Variants in FRMD5 observed in about 807,000 individuals in gnomAD.
The protein encoded by FRMD5 is FERM domain containing 5, also known as FERM domain-containing protein 5.
FRMD5 carries 20 observed loss-of-function variants against 69.0 expected under a neutral mutation model. That is an observed-to-expected ratio of 0.29 (90% CI 0.20 to 0.42). The LOEUF (loss-of-function observed/expected upper bound fraction) is 0.42. Among genes scored for constraint, FRMD5 ranks in the 10% least tolerant of loss-of-function variants. FRMD5 has a pLI of 1.00. For missense variants in FRMD5, 595 were observed against 708.6 expected, an observed-to-expected ratio of 0.84 and a Z score of 1.82; for synonymous variants, 271 against 260.1, an observed-to-expected ratio of 1.04 and a Z score of -0.40.
chr15:43,897,414 G>GTTC (rs2088937391), intron 7 of FRMD5, among the ~76,000 whole-genome samples: 1 of 148,932 alleles, frequency 6.7e-6, no homozygotes, highest in Non-Finnish European at 1.5e-5. Flanking sequence ...TTGAACCCGG[G>GTTC]AGGCAGAGGT....
In FRMD5 at chr15:43,985,212, C is replaced by T. The variant is rs1489705680; in HGVS notation, c.103-60903G>A. Among the ~76,000 whole-genome samples the T allele has an allele frequency of 6.4e-5, 8 of 125,786 alleles. No individual in the cohort carries two copies. In the East Asian group the frequency reaches 1.6e-3, roughly 25 times the overall value. 82.5% of individuals were successfully genotyped at this position (125,786 alleles called of 152,430 possible). A position where few individuals can be genotyped will look rare whatever the true frequency, so the allele number is the denominator to read the frequency against. On this transcript the variant is annotated intron_variant, in intron 1 of 13. Coordinates refer to ENST00000417257, the MANE Select transcript of FRMD5 (RefSeq NM_032892.5). ...AGAAGAATGGCGTGAACCTGGGAGG[C>T]GGAGCTTGCAGTGAGCCGAGATCGG...
intron 2 of FRMD5, among the ~76,000 whole-genome samples, chr15:43,923,594 C>A (rs865895306): frequency 2.0e-5 from 3 of 152,140 alleles, no homozygotes; most frequent in Non-Finnish European, 4.4e-5. Context: ...TACTGTCTGG[C>A]GGGACCACAG....
At chr15:44,059,649 C>A (rs918286690) in intron 1 of FRMD5, among the ~76,000 whole-genome samples, 1 of 152,012 alleles carries the variant, frequency 6.6e-6, no homozygotes, top group Non-Finnish European at 1.5e-5. Context: ...GTAGCTGGGA[C>A]TACAGCCGCA....
intron 1 of FRMD5, among the ~76,000 whole-genome samples, chr15:44,067,732 T>C (rs1893371385): frequency 6.6e-6 from 1 of 152,146 alleles, no homozygotes. Flanking sequence ...ATTTCCAATA[T>C]ATAAATTTGA....
chr15:44,107,153 A>G (rs1388499979), intron 1 of FRMD5, among the ~76,000 whole-genome samples: 1 of 152,208 alleles, frequency 6.6e-6, no homozygotes, highest in Non-Finnish European at 1.5e-5. Flanking sequence ...TTTCATTCAC[A>G]AACGAAATAT....
chr15:44,126,573 C>T (rs1246649934), intron 1 of FRMD5, among the ~76,000 whole-genome samples: 1 of 152,174 alleles, frequency 6.6e-6, no homozygotes, highest in Non-Finnish European at 1.5e-5. Flanking sequence ...AGAAACATCA[C>T]ACCATCCTCT....
intron 1 of FRMD5, among the ~76,000 whole-genome samples, chr15:44,133,798 C>CA (rs2077141117): frequency 6.6e-6 from 1 of 151,868 alleles, no homozygotes; most frequent in Non-Finnish European, 1.5e-5. Flanking sequence ...TAATCACACA[C>CA]AAAAAATTAA....
At chr15:43,920,595 A>G (rs750388758) in intron 2 of FRMD5, among the ~76,000 whole-genome samples, 5 of 152,098 alleles carry the variant, frequency 3.3e-5, no homozygotes, top group Non-Finnish European at 7.4e-5. Flanking sequence ...TCCTTTATAA[A>G]TTTTATTATT....
In FRMD5 at chr15:43,871,341, C is replaced by A. The variant is rs1189360885; in HGVS notation, c.*2544G>T. ...TACTGTACTGTTAGAACTCTAGACACAAGGAACATACTAGGATATGGAATA... is the reference window on the plus strand; with the variant it reads ...TACTGTACTGTTAGAACTCTAGACAAAAGGAACATACTAGGATATGGAATA... On this transcript the variant is annotated 3_prime_UTR_variant, in exon 14 of 14. Coordinates refer to ENST00000417257, the MANE Select transcript of FRMD5 (RefSeq NM_032892.5). 6.6e-6 allele frequency: 1 copy of A among 152,164 alleles called. No homozygotes were observed. The highest frequency in any genetic ancestry group is 1.5e-5 in the Non-Finnish European group (1 of 68,038). The allele number at this position is 152,164 out of a possible 1,614,324, so 9.4% of individuals were successfully genotyped here.
At chr15:43,876,272 C>T (rs12442297) in intron 13 of FRMD5, 158,766 of 1,451,464 alleles carry the variant, frequency 0.11, 10,664 homozygotes, top group African/African-American at 0.29. Context: ...GAACTCTGAA[C>T]TCTGGGCCTG....
At chr15:44,078,888 C>A (rs1893882566) in intron 1 of FRMD5, among the ~76,000 whole-genome samples, 1 of 151,868 alleles carries the variant, frequency 6.6e-6, no homozygotes, top group Admixed American at 6.6e-5. Flanking sequence ...TTTCTTAGAC[C>A]ACCAAAGCAA....
intron 1 of FRMD5, among the ~76,000 whole-genome samples, chr15:44,154,348 C>A (rs2077493556): frequency 6.6e-6 from 1 of 151,534 alleles, no homozygotes; most frequent in South Asian, 2.1e-4. Context: ...AGAAAAAAAA[C>A]CTTGGGAAAA....
At chr15:44,190,016 A>G (rs975921251) in intron 1 of FRMD5, among the ~76,000 whole-genome samples, 49 of 152,282 alleles carry the variant, frequency 3.2e-4, no homozygotes, top group African/African-American at 1.2e-3. Context: ...AAAAGTCAAG[A>G]CCAGAAAACA....
intron 1 of FRMD5, among the ~76,000 whole-genome samples, chr15:43,992,646 G>A (rs1231031253): frequency 6.6e-6 from 1 of 152,102 alleles, no homozygotes; most frequent in Non-Finnish European, 1.5e-5. Context: ...CCAAAACGCT[G>A]GGATTACAGG....
chr15:43,981,245 C>T (rs879492361), intron 1 of FRMD5, among the ~76,000 whole-genome samples: 5 of 152,162 alleles, frequency 3.3e-5, no homozygotes, highest in Non-Finnish European at 5.9e-5. Context: ...CAGGCGTGAA[C>T]CACCTCACCT....
At chr15:44,080,744 A>G (rs1363099544) in intron 1 of FRMD5, among the ~76,000 whole-genome samples, 8 of 152,126 alleles carry the variant, frequency 5.3e-5, no homozygotes, top group African/African-American at 1.9e-4. Flanking sequence ...ATCATTTTTA[A>G]CAGAACAGGT....
At chr15:43,924,373 T>A in intron 1 of FRMD5, 64 bp from the exon 2 acceptor site, 14 of 1,193,566 alleles carry the variant, frequency 1.2e-5, no homozygotes, top group East Asian at 2.3e-5. Flanking sequence ...TTTTTTTTTT[T>A]TATAGCCATT....
At chr15:43,987,410 A>G (rs1439009603) in intron 1 of FRMD5, among the ~76,000 whole-genome samples, 1 of 152,184 alleles carries the variant, frequency 6.6e-6, no homozygotes, top group Non-Finnish European at 1.5e-5. Context: ...AGAAAGTTTT[A>G]ATGGTCTAGA....
intron 1 of FRMD5, among the ~76,000 whole-genome samples, chr15:44,012,761 GTTTTTT>G (rs35690752): frequency 1.4e-4 from 17 of 120,844 alleles, no homozygotes; most frequent in African/African-American, 5.0e-4. Flanking sequence ...AAGTTATTGG[GTTTTTT>G]TTTTTTTTTT....
Sources: allele counts gnomAD v4.1 joint callset (sites outside exome capture counted in the v4.1 genomes callset), GRCh38; gene constraint gnomAD v4.1.1; transcripts MANE v1.5; gene names NCBI Gene and HGNC (gene_info 2026-07-23, HGNC 2026-07-21).